The following SCN3A variants were observed in gnomAD, a reference collection of about 807,000 sequenced individuals.
The protein encoded by SCN3A is sodium voltage-gated channel alpha subunit 3.
A neutral mutation model predicts 187.6 loss-of-function variants in SCN3A; 60 were observed. The ratio of observed to expected loss-of-function variants is 0.32; its 90% CI spans 0.26 to 0.40. The LOEUF (loss-of-function observed/expected upper bound fraction) is 0.40. Among genes scored for constraint, SCN3A ranks in the 10% least tolerant of loss-of-function variants. The pLI, the probability that SCN3A is intolerant of heterozygous loss-of-function variation, is 1.00. For missense variants in SCN3A, 1,601 were observed against 2,428.2 expected, an observed-to-expected ratio of 0.66 and a Z score of 7.16; for synonymous variants, 788 against 829.2, an observed-to-expected ratio of 0.95 and a Z score of 0.85.
At position 165,094,417 on chromosome 2, in the gene SCN3A, T is replaced by C. The variant is rs1685259390; in HGVS notation, c.4493A>G (p.Lys1498Arg). The change falls in exon 26 of 28, where the codon AAA (lysine) becomes AGA (arginine). Residue 1498 changes from lysine (K) to arginine (R), a missense_variant. Around this residue, in one of 11 missense-constraint regions of SCN3A, gnomAD observed 320 missense variants for 623.2 expected, o/e 0.51. Coordinates refer to ENST00000283254, the MANE Select transcript of SCN3A (RefSeq NM_006922.4). ...TTTCTGAGGTTTCTTGGATCCAAGT[T>C]TCTTCATTGCATTGTAATATTTTTT... Reference protein sequence around the residue: ...EQKKYYNAMKKLGSKKPQKPI... With the variant: ...EQKKYYNAMKRLGSKKPQKPI... 6.2e-7 allele frequency: 1 copy of C among 1,613,846 alleles called. No homozygotes were observed. The highest frequency in any genetic ancestry group is 8.5e-7 in the Non-Finnish European group (1 of 1,179,806).
At chr2:165,115,032 A>T (rs1686291792) in intron 19 of SCN3A, among the ~76,000 whole-genome samples, 1 of 152,082 alleles carries the variant, frequency 6.6e-6, no homozygotes, top group Non-Finnish European at 1.5e-5. Context: ...TATTTATTTT[A>T]AATATTTTTC....
chr2:165,090,095 C>T lies in SCN3A; in HGVS notation c.*55G>A. 1 of 1,547,172 alleles carries T rather than the reference C, an allele frequency of 6.5e-7. No homozygotes were observed. Among genetic ancestry groups the T allele is most frequent in the Non-Finnish European group, 8.7e-7 (1 of 1,146,632 alleles). The stretch of plus-strand genomic sequence containing the variant: ...TCTTGAAGTCCAGTTGACACATATA[C>T]TTTACCTTCATAGGCTGTAAACAAT... On this transcript the variant is annotated 3_prime_UTR_variant, in exon 28 of 28. Coordinates refer to ENST00000283254, the MANE Select transcript of SCN3A (RefSeq NM_006922.4). This position sits in a 1 kb window ranked among gnomAD's most constrained non-coding sequence, Gnocchi z 4.0.
intron 5 of SCN3A, 55 bp from the exon 6 acceptor site, chr2:165,164,575 A>C: frequency 6.3e-7 from 1 of 1,588,808 alleles, no homozygotes; most frequent in South Asian, 1.1e-5. Context: ...GTTAAAATAA[A>C]TGTTTTCAAT....
At chr2:165,143,931 G>A (rs1197968865) in intron 12 of SCN3A, among the ~76,000 whole-genome samples, 2 of 152,068 alleles carry the variant, frequency 1.3e-5, no homozygotes, top group East Asian at 1.9e-4. Context: ...TTTGTCAGAA[G>A]TACTTAGCAT....
rs548699346 is a variant in SCN3A, at chr2:165,132,869, C to T, written c.2392-1452G>A. Among the ~76,000 whole-genome samples, 956 of 152,182 alleles carry T rather than the reference C, an allele frequency of 6.3e-3. 17 individuals carry two copies. Among genetic ancestry groups the T allele is most frequent in the African/African-American group, 0.021 (854 of 41,518 alleles). On this transcript the variant is annotated intron_variant, in intron 15 of 27. Transcript: ENST00000283254. ...AACCTACAAAATGGGAGGAAATTTTCGCAACCTACTCATCTGACAAAGGGC... is the reference window on the plus strand; with the variant it reads ...AACCTACAAAATGGGAGGAAATTTTTGCAACCTACTCATCTGACAAAGGGC...
intron 12 of SCN3A, among the ~76,000 whole-genome samples, chr2:165,146,265 G>T (rs1166505731): frequency 6.6e-6 from 1 of 151,642 alleles, no homozygotes; most frequent in Non-Finnish European, 1.5e-5. Flanking sequence ...GATAACAAAG[G>T]CAGAAACCCA....
chr2:165,121,516 A>G (rs1686675050), intron 18 of SCN3A, among the ~76,000 whole-genome samples: 1 of 152,228 alleles, frequency 6.6e-6, no homozygotes, highest in African/African-American at 2.4e-5. Context: ...GCTGAATAAA[A>G]ATTGCATAAA....
In SCN3A at chr2:165,139,584, T is replaced by C. The variant is rs1310360670; in HGVS notation, c.2044A>G (p.Arg682Gly). 5 of 1,613,928 alleles carry C rather than the reference T, an allele frequency of 3.1e-6. No homozygotes were observed. The highest frequency in any genetic ancestry group is 4.2e-6 in the Non-Finnish European group (5 of 1,179,878). The change falls in exon 14 of 28, where the codon AGA becomes GGA. Residue 682 changes from arginine to glycine, a missense_variant. This residue lies in a region of SCN3A where 376 missense variants were observed against 476.0 expected (regional missense o/e 0.79). Transcript: ENST00000283254. ...PEGTTTETEV[R>G]KRRLSSYQIS... ...TGGTAAGAGCTTAACCTTCTCTTTC[T>C]GACTTCCGTTTCTGTGGTGGTGCCC...
At chr2:165,159,345 T>G (rs1225367228) in intron 9 of SCN3A, among the ~76,000 whole-genome samples, 1 of 136,864 alleles carries the variant, frequency 7.3e-6, no homozygotes, top group African/African-American at 3.0e-5. Flanking sequence ...GGACACTGGT[T>G]TGTTGTTTTG....
intron 12 of SCN3A, among the ~76,000 whole-genome samples, chr2:165,143,498 G>T (rs1035285782): frequency 2.0e-5 from 3 of 152,100 alleles, no homozygotes; most frequent in African/African-American, 7.2e-5. Context: ...TATAATAATG[G>T]GTGTGAGCGC....
chr2:165,188,297 T>C (rs1691365998), intron 1 of SCN3A, among the ~76,000 whole-genome samples: 1 of 152,188 alleles, frequency 6.6e-6, no homozygotes, highest in African/African-American at 2.4e-5. Flanking sequence ...TTTTTTTCTT[T>C]TTCAATCCCA....
chr2:165,178,966 G>A (rs1019953843), intron 2 of SCN3A, among the ~76,000 whole-genome samples: 8 of 152,118 alleles, frequency 5.3e-5, no homozygotes, highest in African/African-American at 1.9e-4. Flanking sequence ...AAGAGTTTGA[G>A]CATTTTCTGC....
intron 1 of SCN3A, among the ~76,000 whole-genome samples, chr2:165,188,992 A>T (rs1583762): frequency 0.24 from 36,738 of 151,794 alleles, 5,477 homozygotes; most frequent in East Asian, 0.52. Flanking sequence ...GAAAGGATGA[A>T]CTAAAGGAAT....
chr2:165,097,619 A>G lies in SCN3A; in HGVS notation c.3967-95T>C, dbSNP rs1384734250. The G allele has an allele frequency of 1.5e-5, 22 of 1,467,570 alleles. No homozygotes were observed. The East Asian group carries it at 5.1e-4, about 34-fold the overall frequency. The allele number at this position is 1,467,570 out of a possible 1,614,324, so 90.9% of individuals were successfully genotyped here. A position where few individuals can be genotyped will look rare whatever the true frequency, so the allele number is the denominator to read the frequency against. On this transcript the variant is annotated intron_variant, in intron 22 of 27. Coordinates refer to ENST00000283254, the MANE Select transcript of SCN3A (RefSeq NM_006922.4). Reference sequence around the variant, plus strand: ...GTTTAGTATTAATATGTGCTTGAAAAGAGTTAAATAAAAATCTAGGTGGAC... The same window carrying G: ...GTTTAGTATTAATATGTGCTTGAAAGGAGTTAAATAAAAATCTAGGTGGAC...
At chr2:165,163,522 T>G in intron 7 of SCN3A, 96 bp downstream of exon 7, 1 of 1,378,758 alleles carries the variant, frequency 7.3e-7, no homozygotes, top group Non-Finnish European at 1.0e-6. Flanking sequence ...CGGGATGAAC[T>G]GTAATAATAA....
chr2:165,127,866 G>C lies in SCN3A; in HGVS notation c.3158C>G (p.Thr1053Ser). 1 of 1,614,022 alleles carries C rather than the reference G, an allele frequency of 6.2e-7. No homozygotes were observed. Among genetic ancestry groups the C allele is most frequent in the Non-Finnish European group, 8.5e-7 (1 of 1,179,984 alleles). ...AAGCTCTTTGCTTATTTCAATTCCA[G>C]TATTATTGGACATGCAGCTGTCTAT... ...NKIDSCMSNNTGIEISKELNY... is the reference protein window; with the variant it reads ...NKIDSCMSNNSGIEISKELNY... The change falls in exon 18 of 28, where the codon ACT (threonine) becomes AGT (serine). Residue 1053 changes from threonine to serine, a missense_variant. Physicochemically the swap from Thr to Ser is moderately conservative, Grantham distance 58. Around this residue, in one of 11 missense-constraint regions of SCN3A, gnomAD observed 267 missense variants for 313.2 expected, o/e 0.85. Transcript: ENST00000283254.
Position 165,162,289 on chromosome 2 carries a change from A to G in SCN3A, c.1031+19T>C. 1 of 1,604,976 alleles carries G rather than the reference A, an allele frequency of 6.2e-7. No individual in the cohort carries two copies. The highest frequency in any genetic ancestry group is 1.3e-5 in the African/African-American group (1 of 74,576). Reference sequence around the variant, plus strand: ...TCGCAAAGAGTTCTATATCTTAAAAAATATATTATGTTTCTTACCCTGCAT... The same window carrying G: ...TCGCAAAGAGTTCTATATCTTAAAAGATATATTATGTTTCTTACCCTGCAT... On this transcript the variant is annotated intron_variant, in intron 9 of 27. Coordinates refer to ENST00000283254, the MANE Select transcript of SCN3A (RefSeq NM_006922.4).
chr2:165,127,760 A>C lies in SCN3A; in HGVS notation c.3264T>G (p.Asn1088Lys). The change falls in exon 18 of 28, where the codon AAT (asparagine) becomes AAG (lysine). Residue 1088 changes from asparagine to lysine, a missense_variant. By Grantham distance (94) the Asn-to-Lys change is moderately conservative. Coordinates refer to ENST00000283254, the MANE Select transcript of SCN3A (RefSeq NM_006922.4). ...SSVEKYVIDE[N>K]DYMSFINNPS... is the part of the protein sequence containing the mutation. ...GGTTGTTTATGAATGACATATAATC[A>C]TTTTCATCGATTACGTATTTTTCAA... 6.2e-7 allele frequency: 1 copy of C among 1,614,062 alleles called. No homozygotes were observed. Among genetic ancestry groups the C allele is most frequent in the Non-Finnish European group, 8.5e-7 (1 of 1,179,988 alleles).
At chr2:165,192,497 C>T (rs1256867204) in intron 1 of SCN3A, among the ~76,000 whole-genome samples, 1 of 151,982 alleles carries the variant, frequency 6.6e-6, no homozygotes, top group Admixed American at 6.6e-5. Context: ...AAGTAACTTG[C>T]CCAAGGTCAC....
Sources: gnomAD v4.1 joint callset for allele counts (sites outside exome capture counted in the v4.1 genomes callset) on GRCh38, gnomAD v4.1.1 for gene constraint, gnomAD v4.1.1 regional missense constraint, Gnocchi (gnomAD v3.1) non-coding constraint, MANE v1.5 for transcripts, NCBI Gene and HGNC (gene_info 2026-07-23, HGNC 2026-07-21) for gene names.